The following EGLN1 variants were observed in gnomAD, a reference collection of about 807,000 sequenced individuals.
The protein encoded by EGLN1 is egl nine homolog 1.
Under a neutral mutation model 38.3 loss-of-function variants are expected in EGLN1, and 17 were observed. The ratio of observed to expected loss-of-function variants is 0.44; its 90% CI spans 0.30 to 0.67. The LOEUF is 0.67. Ranked by LOEUF, EGLN1 falls within the 30% of genes least tolerant of loss-of-function variation. The pLI, the probability that EGLN1 is intolerant of heterozygous loss-of-function variation, is 0.08. For synonymous variants in EGLN1, 283 were observed against 257.5 expected (o/e 1.10, Z -0.95); for missense variants, 477 against 603.3 (o/e 0.79, Z 2.19).
intron 1 of EGLN1, among the ~76,000 whole-genome samples, chr1:231,410,342 C>T (rs1688905509): frequency 6.6e-6 from 1 of 152,196 alleles, no homozygotes; most frequent in African/African-American, 2.4e-5. Context: ...AGTCCAACAA[C>T]CTGCCAAGAA....
chr1:231,406,459 G>A (rs1688798647), intron 1 of EGLN1, among the ~76,000 whole-genome samples: 1 of 151,880 alleles, frequency 6.6e-6, no homozygotes, highest in Non-Finnish European at 1.5e-5. Context: ...TTTCCATCCT[G>A]GTATATACCG....
chr1:231,388,799 C>G (rs11122285), intron 1 of EGLN1, among the ~76,000 whole-genome samples: 2 of 151,628 alleles, frequency 1.3e-5, no homozygotes, highest in African/African-American at 2.4e-5. Context: ...GGACTACAGG[C>G]GCCCACCACC....
At chr1:231,418,813 G>C (rs1006354937) in intron 1 of EGLN1, among the ~76,000 whole-genome samples, 1 of 150,056 alleles carries the variant, frequency 6.7e-6, no homozygotes, top group African/African-American at 2.5e-5. Context: ...AGTGGGCCAT[G>C]CTTACACCCT....
chr1:231,415,868 G>A (rs1321907981), intron 1 of EGLN1, among the ~76,000 whole-genome samples: 1 of 142,486 alleles, frequency 7.0e-6, no homozygotes, highest in Admixed American at 7.1e-5. Context: ...TTTTTTTTGA[G>A]ACGGAGTCTC....
intron 1 of EGLN1, among the ~76,000 whole-genome samples, chr1:231,380,011 C>G (rs948627808): frequency 3.9e-5 from 6 of 151,984 alleles, no homozygotes; most frequent in Non-Finnish European, 8.8e-5. Context: ...ACAGGTCATG[C>G]TGGAAGGCCA....
At chr1:231,379,997 G>A (rs555968778) in intron 1 of EGLN1, among the ~76,000 whole-genome samples, 2 of 152,222 alleles carry the variant, frequency 1.3e-5, no homozygotes, top group South Asian at 2.1e-4. Flanking sequence ...AAATACGGAA[G>A]AAAACAGGTC....
intron 3 of EGLN1, among the ~76,000 whole-genome samples, chr1:231,369,030 G>T (rs868135507): frequency 6.6e-6 from 1 of 152,042 alleles, no homozygotes; most frequent in Non-Finnish European, 1.5e-5. Context: ...CTAATATCTG[G>T]ATCAACAACT....
In EGLN1 at chr1:231,411,635, A is replaced by G. The variant is rs150666823; in HGVS notation, c.891+9363T>C. Among the ~76,000 whole-genome samples the G allele has an allele frequency of 8.6e-3, 1,303 of 152,224 alleles. 13 individuals carry two copies. The highest frequency in any genetic ancestry group is 0.014 in the Middle Eastern group (4 of 294). On this transcript the variant is annotated intron_variant, in intron 1 of 4. Transcript: ENST00000366641. The stretch of plus-strand genomic sequence containing the variant: ...AAAATTATTTCATACCTGACAATCT[A>G]ATGTTTACCCATACTTTTGTGACCC...
At chr1:231,413,014 CCTA>C (rs72345803) in intron 1 of EGLN1, among the ~76,000 whole-genome samples, 40,888 of 151,852 alleles carry the variant, frequency 0.27, 5,719 homozygotes, top group East Asian at 0.39. Flanking sequence ...CATTTCCTAT[CCTA>C]CTACATCAAT....
At position 231,421,421 on chromosome 1, in the gene EGLN1, G is replaced by T; in HGVS notation, c.468C>A (p.Phe156Leu). The T allele has an allele frequency of 6.3e-7, 1 of 1,578,162 alleles. No homozygotes were observed. Among genetic ancestry groups the T allele is most frequent in the African/African-American group, 1.4e-5 (1 of 73,960 alleles). Residue 156 changes from phenylalanine (F) to leucine (L), a missense_variant, in exon 1 of 5, where the codon TTC becomes TTA. This residue lies in a region of EGLN1 where 298 missense variants were observed against 288.9 expected (regional missense o/e 1.03). Transcript: ENST00000366641. The surrounding 1 kb of genome is among the most constrained non-coding windows in gnomAD (Gnocchi z 5.5). Reference sequence around the variant, plus strand: ...GGGGGTACAGGTTCGCCTTCTCCTGGAACAGCGATGAGCGGGCCGGCGGCT... The same window carrying T: ...GGGGGTACAGGTTCGCCTTCTCCTGTAACAGCGATGAGCGGGCCGGCGGCT... ...KEEPPARSSL[F>L]QEKANLYPPS...
At chr1:231,374,141 A>C in intron 1 of EGLN1, 42 bp from the exon 2 acceptor site, 1 of 1,586,686 alleles carries the variant, frequency 6.3e-7, no homozygotes. Context: ...CCATGTATAA[A>C]TAAAAAGAGA....
At chr1:231,392,188 G>A (rs1418715080) in intron 1 of EGLN1, among the ~76,000 whole-genome samples, 1 of 152,132 alleles carries the variant, frequency 6.6e-6, no homozygotes, top group African/African-American at 2.4e-5. Flanking sequence ...TTGGGAGGCT[G>A]AGGCAGGAGA....
intron 1 of EGLN1, among the ~76,000 whole-genome samples, chr1:231,415,462 T>A (rs1379939103): frequency 6.6e-6 from 1 of 150,500 alleles, no homozygotes; most frequent in African/African-American, 2.5e-5. Flanking sequence ...TAAAAAAAAA[T>A]GTGTAAATGC....
intron 1 of EGLN1, among the ~76,000 whole-genome samples, chr1:231,381,782 C>T (rs1688085043): frequency 6.6e-6 from 1 of 152,210 alleles, no homozygotes; most frequent in Admixed American, 6.5e-5. Context: ...AATTTGTTAA[C>T]CTCAGCTATA....
chr1:231,408,758 G>A (rs868038029), intron 1 of EGLN1, among the ~76,000 whole-genome samples: 1 of 152,110 alleles, frequency 6.6e-6, no homozygotes, highest in South Asian at 2.1e-4. Context: ...ATGCTATCAC[G>A]GTGATGGGAA....
chr1:231,411,540 T>G (rs1266354439), intron 1 of EGLN1, among the ~76,000 whole-genome samples: 1 of 152,214 alleles, frequency 6.6e-6, no homozygotes, highest in African/African-American at 2.4e-5. Context: ...AGCCTTAAAC[T>G]GAATTGAGAT....
intron 1 of EGLN1, among the ~76,000 whole-genome samples, chr1:231,415,251 C>A (rs376482243): frequency 7.0e-6 from 1 of 142,544 alleles, no homozygotes; most frequent in Non-Finnish European, 1.5e-5. Flanking sequence ...CCAGCCTGGG[C>A]ATGTTAGGCC....
chr1:231,410,748 A>T (rs1420003740), intron 1 of EGLN1, among the ~76,000 whole-genome samples: 2 of 151,332 alleles, frequency 1.3e-5, no homozygotes, highest in Non-Finnish European at 2.9e-5. Flanking sequence ...ATATAAGAAA[A>T]AACAACTGAA....
chr1:231,396,674 T>A (rs578237757), intron 1 of EGLN1, among the ~76,000 whole-genome samples: 28 of 152,322 alleles, frequency 1.8e-4, no homozygotes, highest in Admixed American at 5.2e-4. Flanking sequence ...TTAAGTCATA[T>A]AAAACCAATT....
Sources: gnomAD v4.1 joint callset for allele counts (sites outside exome capture counted in the v4.1 genomes callset) on GRCh38, gnomAD v4.1.1 for gene constraint, gnomAD v4.1.1 regional missense constraint, Gnocchi (gnomAD v3.1) non-coding constraint, MANE v1.5 for transcripts, NCBI Gene and HGNC (gene_info 2026-07-23, HGNC 2026-07-21) for gene names.